SLC25A20: variants seen among roughly 807,000 people sequenced by gnomAD.
The protein encoded by SLC25A20 is solute carrier family 25 member 20, also known as mitochondrial carnitine/acylcarnitine carrier protein.
Under a neutral mutation model 39.7 loss-of-function variants are expected in SLC25A20, and 29 were observed. The ratio of observed to expected loss-of-function variants is 0.73; its 90% CI spans 0.54 to 1.00. SLC25A20 has a LOEUF of 1.00. Among genes scored for constraint, SLC25A20 ranks in the 50% least tolerant of loss-of-function variants. The probability of loss-of-function intolerance (pLI) is 0.00; values close to 1 mark genes in which losing one functional copy is unlikely to be tolerated. For synonymous variants in SLC25A20, 103 were observed against 142.2 expected (o/e 0.72, Z 1.96); for missense variants, 333 against 379.9 (o/e 0.88, Z 1.03).
At chr3:48,863,372 A>G (rs1180365611) in intron 4 of SLC25A20, among the ~76,000 whole-genome samples, 2 of 152,206 alleles carry the variant, frequency 1.3e-5, no homozygotes, top group Non-Finnish European at 2.9e-5. Context: ...GAAAAGGTGA[A>G]CAGAAAATTT....
chr3:48,857,718 T>TG lies in SLC25A20; in HGVS notation c.897dup (p.Asn300GlnfsTer24), dbSNP rs587776759. 1.9e-6 allele frequency: 3 copies of TG among 1,613,892 alleles called. No homozygotes were observed. The highest frequency in any genetic ancestry group is 2.5e-6 in the Non-Finnish European group (3 of 1,179,950). On this transcript the variant is annotated frameshift_variant, in exon 9 of 9. Transcript: ENST00000319017. LOFTEE classifies it high-confidence loss of function. ...TTGAGCAGCCTTCAGCCTCACAAGT[T>TG]GGGGGTGGCCCAATTAAGGAACTTC...
At chr3:48,897,368 T>TATATATATA (rs376693163) in intron 1 of SLC25A20, among the ~76,000 whole-genome samples, 3 of 59,840 alleles carry the variant, frequency 5.0e-5, no homozygotes, top group African/African-American at 1.7e-4. Context: ...TATATATATA[T>TATATATATA]TTTTTTTTTT....
chr3:48,883,024 A>G (rs2083805201), intron 3 of SLC25A20, among the ~76,000 whole-genome samples: 1 of 56,286 alleles, frequency 1.8e-5, no homozygotes, highest in Non-Finnish European at 3.0e-5. Context: ...CGTCTCTACT[A>G]AAAATACAAA....
chr3:48,894,725 A>G (rs1433709929), intron 1 of SLC25A20, among the ~76,000 whole-genome samples: 1 of 152,180 alleles, frequency 6.6e-6, no homozygotes, highest in Non-Finnish European at 1.5e-5. Flanking sequence ...TCCTGGGCTC[A>G]AGTGATCCTC....
intron 1 of SLC25A20, among the ~76,000 whole-genome samples, chr3:48,895,343 A>C (rs768018694): frequency 6.6e-6 from 1 of 152,032 alleles, no homozygotes; most frequent in Non-Finnish European, 1.5e-5. Context: ...GAGCTTCTCC[A>C]TGTTGGTCAC....
intron 4 of SLC25A20, among the ~76,000 whole-genome samples, chr3:48,869,860 G>A (rs1162699710): frequency 1.3e-5 from 2 of 151,480 alleles, no homozygotes; most frequent in Non-Finnish European, 2.9e-5. Context: ...GCTCATACCT[G>A]TAATTCTAGC....
At chr3:48,882,861 C>T (rs142250605) in intron 3 of SLC25A20, among the ~76,000 whole-genome samples, 1 of 151,964 alleles carries the variant, frequency 6.6e-6, no homozygotes, top group African/African-American at 2.4e-5. Context: ...TGCATTCCAG[C>T]CTGGGTGACA....
intron 1 of SLC25A20, chr3:48,895,639 G>A (rs985471531): frequency 4.1e-6 from 1 of 243,044 alleles, no homozygotes; most frequent in South Asian, 4.4e-5. Context: ...TATTATTCTT[G>A]TATTTGTCAG....
chr3:48,859,747 A>G, intron 5 of SLC25A20, 120 bp from the exon 6 acceptor site: 1 of 811,608 alleles, frequency 1.2e-6, no homozygotes, highest in Non-Finnish European at 2.2e-6. Context: ...TGAGGCCAGG[A>G]GGTCCGCGCT....
intron 7 of SLC25A20, 33 bp downstream of exon 7, chr3:48,859,059 C>T: frequency 6.4e-7 from 1 of 1,561,692 alleles, no homozygotes; most frequent in Non-Finnish European, 8.8e-7. Flanking sequence ...GGGACCCACT[C>T]TCCCCCTGTC....
intron 2 of SLC25A20, among the ~76,000 whole-genome samples, chr3:48,890,651 C>CTT (rs71077750): frequency 8.3e-4 from 65 of 78,118 alleles, no homozygotes; most frequent in Non-Finnish European, 9.7e-4. Context: ...GCCCCCTTGT[C>CTT]TTTTTTTTTT....
intron 3 of SLC25A20, among the ~76,000 whole-genome samples, chr3:48,882,962 C>T (rs1039390586): frequency 4.0e-5 from 6 of 148,412 alleles, no homozygotes; most frequent in African/African-American, 7.5e-5. Context: ...CCAAAGGGGG[C>T]GGATCACGAG....
intron 2 of SLC25A20, among the ~76,000 whole-genome samples, chr3:48,889,891 G>T (rs1355611066): frequency 2.0e-5 from 3 of 152,178 alleles, no homozygotes; most frequent in Non-Finnish European, 4.4e-5. Flanking sequence ...CGGTGCTGAA[G>T]GGACATTGTG....
chr3:48,857,775 A>T lies in SLC25A20; in HGVS notation c.844-3T>A. On this transcript the variant is annotated splice_region_variant and splice_polypyrimidine_tract_variant and intron_variant, in intron 8 of 8. Transcript: ENST00000319017. ...ACTTCAAAGCCAAGGAAACAGGCCT[A>T]AGAAGGGATTGGGAGGAAGAAAAAA... 6.2e-7 allele frequency: 1 copy of T among 1,613,656 alleles called. No homozygotes were observed.
At position 48,857,645 on chromosome 3, in the gene SLC25A20, TTAC is replaced by T; in HGVS notation, c.*62_*64del. The T allele has an allele frequency of 1.3e-6, 2 of 1,488,198 alleles. No homozygotes were observed. The highest frequency in any genetic ancestry group is 2.3e-5 in the South Asian group (2 of 86,412). The allele number at this position is 1,488,198 out of a possible 1,614,324, so 92.2% of individuals were successfully genotyped here. A position where few individuals can be genotyped will look rare whatever the true frequency, so the allele number is the denominator to read the frequency against. On this transcript the variant is annotated 3_prime_UTR_variant, in exon 9 of 9. Coordinates refer to ENST00000319017, the MANE Select transcript of SLC25A20 (RefSeq NM_000387.6). ...GCCCTCCAAGACTGCTTAGTTCTGC[TTAC>T]TACTCCTTCTCCTCAACGACAGCTT...
chr3:48,891,316 C>T (rs1382831791), intron 2 of SLC25A20, among the ~76,000 whole-genome samples: 1 of 152,092 alleles, frequency 6.6e-6, no homozygotes, highest in Admixed American at 6.6e-5. Flanking sequence ...CTCCGGCAAT[C>T]CACCCACCTT....
At chr3:48,893,692 G>A (rs940733813) in intron 1 of SLC25A20, among the ~76,000 whole-genome samples, 3 of 151,642 alleles carry the variant, frequency 2.0e-5, no homozygotes, top group East Asian at 3.9e-4. Flanking sequence ...TGCCATGCTC[G>A]GCTAATTTTG....
chr3:48,859,530 G>A (rs994217187), intron 6 of SLC25A20, 25 bp downstream of exon 6: 1 of 1,598,936 alleles, frequency 6.3e-7, no homozygotes, highest in Non-Finnish European at 8.6e-7. Context: ...TGGGGAAAGT[G>A]GCTTCCAAGT....
chr3:48,879,975 A>G (rs1021360240), intron 3 of SLC25A20, among the ~76,000 whole-genome samples: 1 of 152,154 alleles, frequency 6.6e-6, no homozygotes, highest in Non-Finnish European at 1.5e-5. Context: ...GACAGCTTCA[A>G]GGCCAAGGAG....
Sources: allele counts gnomAD v4.1 joint callset (sites outside exome capture counted in the v4.1 genomes callset), GRCh38; gene constraint gnomAD v4.1.1; transcripts MANE v1.5; gene names NCBI Gene and HGNC (gene_info 2026-07-23, HGNC 2026-07-21).